C10orf53: variants seen among roughly 807,000 people sequenced by gnomAD.
C10orf53 encodes UPF0728 protein C10orf53.
A neutral mutation model predicts 9.4 loss-of-function variants in C10orf53; 8 were observed. That is an observed-to-expected ratio of 0.85 (90% CI 0.50 to 1.53). The LOEUF is 1.53. Among genes scored for constraint, C10orf53 ranks in the 40% most tolerant of loss-of-function variants. C10orf53 has a pLI of 0.00. For synonymous variants in C10orf53, 48 were observed against 46.0 expected, an observed-to-expected ratio of 1.04 and a Z score of -0.18; for missense variants, 117 against 117.8, an observed-to-expected ratio of 0.99 and a Z score of 0.03.
intron 1 of C10orf53, among the ~76,000 whole-genome samples, chr10:49,688,760 C>T (rs1183375214): frequency 2.0e-5 from 3 of 152,134 alleles, no homozygotes; most frequent in Non-Finnish European, 2.9e-5. Context: ...CCGCCTGGAA[C>T]GCTCTTTCCT....
chr10:49,703,272 T>C lies in C10orf53; in HGVS notation c.218-5089T>C, dbSNP rs117034188. 5.1e-3 allele frequency among the ~76,000 whole-genome samples: 771 copies of C among 152,304 alleles called. 4 individuals carry two copies. The highest frequency in any genetic ancestry group is 8.7e-3 in the Non-Finnish European group (594 of 68,024). On this transcript the variant is annotated intron_variant, in intron 2 of 2. Transcript: ENST00000374112. ...GGCATTCAGCTACTTAAGAGAGTCA[T>C]AGTTACTCCTTTACCTGCACTTCAT...
chr10:49,689,527 G>GA (rs1050670439), intron 1 of C10orf53, among the ~76,000 whole-genome samples: 2 of 152,050 alleles, frequency 1.3e-5, no homozygotes, highest in African/African-American at 4.8e-5. Flanking sequence ...CCTTATAAAA[G>GA]AAAAAACAAA....
intron 1 of C10orf53, among the ~76,000 whole-genome samples, chr10:49,687,213 T>C (rs1840537017): frequency 6.6e-6 from 1 of 152,354 alleles, no homozygotes; most frequent in East Asian, 1.9e-4. Context: ...ATAAGTTCCT[T>C]GCTCCTGCCA....
intron 1 of C10orf53, among the ~76,000 whole-genome samples, chr10:49,686,781 T>C (rs895314755): frequency 5.3e-5 from 8 of 152,216 alleles, no homozygotes; most frequent in Non-Finnish European, 1.0e-4. Context: ...TTAAGATGCT[T>C]ATCAAGACAA....
At position 49,694,542 on chromosome 10, in the gene C10orf53, C is replaced by T. The variant is rs765816348; in HGVS notation, c.222C>T (p.Gly74=). Reference sequence around the variant, plus strand: ...CAATTATATCTGTTTCCCTAGGAGGCGATGGTAAACTAGACCCACTGTGTG... The same window carrying T: ...CAATTATATCTGTTTCCCTAGGAGGTGATGGTAAACTAGACCCACTGTGTG... ...HCNIKDLEFG[G]DGKLDPLCEK... is the part of the protein sequence containing the mutation. The change falls in exon 3 of 3, where the codon GGC becomes GGT. Residue 74 remains glycine (G), a synonymous_variant. Transcript: ENST00000374111. The T allele has an allele frequency of 2.3e-5, 37 of 1,614,036 alleles. No individual in the cohort carries two copies. Among genetic ancestry groups the T allele is most frequent in the Middle Eastern group, 3.3e-4 (2 of 6,084 alleles).
chr10:49,698,098 C>G (rs770462589), downstream of C10orf53, among the ~76,000 whole-genome samples: 6 of 152,026 alleles, frequency 3.9e-5, no homozygotes, highest in Non-Finnish European at 7.4e-5. Context: ...CCAGACCAGC[C>G]TGGGCAACAC....
At chr10:49,698,559 T>G (rs1840655174), downstream of C10orf53, among the ~76,000 whole-genome samples, 1 of 152,096 alleles carries the variant, frequency 6.6e-6, no homozygotes, top group South Asian at 2.1e-4. Flanking sequence ...CTGGTGACAA[T>G]CAACAAATGC....
chr10:49,701,623 A>G (rs1238278337), downstream of C10orf53, among the ~76,000 whole-genome samples: 1 of 152,078 alleles, frequency 6.6e-6, no homozygotes, highest in Non-Finnish European at 1.5e-5. Context: ...CTTCCTCCTC[A>G]TGGAAGGCCA....
intron 1 of C10orf53, among the ~76,000 whole-genome samples, chr10:49,691,963 G>C (rs1339180140): frequency 6.6e-6 from 1 of 152,194 alleles, no homozygotes; most frequent in Non-Finnish European, 1.5e-5. Context: ...TTTTGCTCCT[G>C]ATTTCTTCCT....
chr10:49,699,689 C>T (rs367587345), downstream of C10orf53, among the ~76,000 whole-genome samples: 1 of 152,154 alleles, frequency 6.6e-6, no homozygotes, highest in Non-Finnish European at 1.5e-5. Context: ...CCCAGAAGGC[C>T]CCTGGCTCTC....
intron 1 of C10orf53, among the ~76,000 whole-genome samples, chr10:49,685,870 T>G (rs905864350): frequency 6.6e-6 from 1 of 152,246 alleles, no homozygotes; most frequent in African/African-American, 2.4e-5. Flanking sequence ...TTTCATGTCT[T>G]TCATCAAATT....
At chr10:49,689,713 C>T (rs902153872) in intron 1 of C10orf53, among the ~76,000 whole-genome samples, 1 of 152,110 alleles carries the variant, frequency 6.6e-6, no homozygotes, top group Non-Finnish European at 1.5e-5. Context: ...TGTGACAGGG[C>T]TGGGGCACAT....
intron 1 of C10orf53, among the ~76,000 whole-genome samples, chr10:49,689,882 A>T (rs2132879519): frequency 6.6e-6 from 1 of 152,344 alleles, no homozygotes; most frequent in African/African-American, 2.4e-5. Flanking sequence ...TCTTCATTAC[A>T]TTGATAACTT....
In C10orf53 at chr10:49,708,792, T is replaced by G. The variant is rs961716804; in HGVS notation, c.*175T>G. ...GCAACCTGTGGCAAACCCAACGTGA[T>G]TCTCCCCAGCTCTGAGTCTCTACAA... On this transcript the variant is annotated 3_prime_UTR_variant, in exon 3 of 3. Transcript: ENST00000374112. The G allele has an allele frequency of 6.2e-6, 5 of 808,484 alleles. No homozygotes were observed. The African/African-American group carries it at 8.7e-5, about 14-fold the overall frequency. The allele number at this position is 808,484 out of a possible 1,614,324, so 50.1% of individuals were successfully genotyped here. A position where few individuals can be genotyped will look rare whatever the true frequency, so the allele number is the denominator to read the frequency against.
intron 1 of C10orf53, among the ~76,000 whole-genome samples, chr10:49,692,287 A>T (rs1262113886): frequency 6.6e-6 from 1 of 152,246 alleles, no homozygotes; most frequent in African/African-American, 2.4e-5. Context: ...TGGGTCAATT[A>T]GGGCCGCCTA....
At position 49,697,201 on chromosome 10, in the gene C10orf53, A is replaced by G. The variant is rs1304808966; in HGVS notation, c.*2599A>G. 6.6e-6 allele frequency among the ~76,000 whole-genome samples: 1 copy of G among 152,170 alleles called. No individual in the cohort carries two copies. Among genetic ancestry groups the G allele is most frequent in the Admixed American group, 6.5e-5 (1 of 15,280 alleles). ...AAGTGAGACCCTGTCTCAGAAAATA[A>G]AATAAAGATTTTGACATAGAAGCCA... On this transcript the variant is annotated 3_prime_UTR_variant, in exon 3 of 3. Transcript: ENST00000374111.
intron 1 of C10orf53, among the ~76,000 whole-genome samples, chr10:49,685,976 A>G (rs994196421): frequency 6.6e-6 from 1 of 151,944 alleles, no homozygotes; most frequent in African/African-American, 2.4e-5. Flanking sequence ...ATGTTGTTAT[A>G]CTTGAGGGCA....
chr10:49,696,059 G>C lies in C10orf53; in HGVS notation c.*1457G>C, dbSNP rs1207811983. On this transcript the variant is annotated 3_prime_UTR_variant, in exon 3 of 3. Transcript: ENST00000374111. The stretch of plus-strand genomic sequence containing the variant: ...GTAACATTTTTATATATTTCAATTT[G>C]GGTTTCTTCTGTTTATGTCTGAATA... 1 of 152,016 alleles carries C rather than the reference G, an allele frequency of 6.6e-6. No homozygotes were observed. Among genetic ancestry groups the C allele is most frequent in the Non-Finnish European group, 1.5e-5 (1 of 68,010 alleles). 9.4% of individuals were successfully genotyped at this position (152,016 alleles called of 1,614,324 possible).
chr10:49,699,649 A>G (rs1840666240), downstream of C10orf53, among the ~76,000 whole-genome samples: 1 of 151,914 alleles, frequency 6.6e-6, no homozygotes. Flanking sequence ...TCTGAGAGTC[A>G]TTTTCCACAT....
Sources: allele counts gnomAD v4.1 joint callset (sites outside exome capture counted in the v4.1 genomes callset), GRCh38; gene constraint gnomAD v4.1.1; transcripts MANE v1.5; gene names NCBI Gene and HGNC (gene_info 2026-07-23, HGNC 2026-07-21).